Variants in NLGN1 observed in about 807,000 individuals in gnomAD.
NLGN1 encodes neuroligin 1.
Under a neutral mutation model 65.5 loss-of-function variants are expected in NLGN1, and 12 were observed. That is an observed-to-expected ratio of 0.18 (90% confidence interval 0.12 to 0.30). NLGN1 has a LOEUF of 0.30. Among genes scored for constraint, NLGN1 ranks in the 10% least tolerant of loss-of-function variants. NLGN1 has a pLI of 1.00. For missense variants in NLGN1, 750 were observed against 1,007.1 expected (o/e 0.74, Z 3.46); for synonymous variants, 350 against 359.5 (o/e 0.97, Z 0.30).
rs375111133 is a variant in NLGN1 at position 173,973,883 on chromosome 3, C to G, written c.646+166051C>G. ...CTATTTGTGTTTTTCTGGTTACACC[C>G]TAATAGGCTGAAAATATGTAATAAA... On this transcript the variant is annotated intron_variant, in intron 4 of 6. Coordinates refer to ENST00000457714, the Ensembl canonical transcript of NLGN1. Among the ~76,000 whole-genome samples, 9 of 152,008 alleles carry G rather than the reference C, an allele frequency of 5.9e-5. 1 individual carries two copies. In the South Asian group the frequency reaches 1.7e-3, roughly 28 times the overall value.
At position 173,492,037 on chromosome 3, in the gene NLGN1, A is replaced by G. The variant is rs558782124; in HGVS notation, c.-321+56959A>G. On this transcript the variant is annotated intron_variant, in intron 2 of 6. Transcript: ENST00000457714. ...GACAAGGAAGCAAGATAGTGGGTAAAGGATGGGATATGAGAGCAAGATAGA... is the reference window on the plus strand; with the variant it reads ...GACAAGGAAGCAAGATAGTGGGTAAGGGATGGGATATGAGAGCAAGATAGA... Among the ~76,000 whole-genome samples, 10 of 151,938 alleles carry G rather than the reference A, an allele frequency of 6.6e-5. No individual in the cohort carries two copies. In the South Asian group the frequency reaches 8.3e-4, roughly 13 times the overall value.
At chr3:173,859,815 G>A (rs994343369) in intron 4 of NLGN1, among the ~76,000 whole-genome samples, 3 of 151,596 alleles carry the variant, frequency 2.0e-5, no homozygotes, top group Non-Finnish European at 4.4e-5. Flanking sequence ...TTGTTCAAGG[G>A]TACACGACTA....
At chr3:173,844,477 T>A (rs935533783) in intron 4 of NLGN1, among the ~76,000 whole-genome samples, 1 of 152,156 alleles carries the variant, frequency 6.6e-6, no homozygotes, top group Non-Finnish European at 1.5e-5. Flanking sequence ...ACAAAAATAG[T>A]TGAGAATGAG....
intron 2 of NLGN1, among the ~76,000 whole-genome samples, chr3:173,542,216 C>T (rs1739005516): frequency 6.6e-6 from 1 of 151,760 alleles, no homozygotes; most frequent in African/African-American, 2.4e-5. Context: ...TTTCTAAGAG[C>T]CCTGTCTTAT....
At chr3:174,060,150 A>G (rs1011956449) in intron 4 of NLGN1, among the ~76,000 whole-genome samples, 2 of 152,072 alleles carry the variant, frequency 1.3e-5, no homozygotes, top group South Asian at 2.1e-4. Flanking sequence ...GTTATATTTC[A>G]CCATGGTATA....
intron 4 of NLGN1, among the ~76,000 whole-genome samples, chr3:174,218,570 T>A (rs148297104): frequency 3.3e-5 from 5 of 152,120 alleles, no homozygotes; most frequent in African/African-American, 1.2e-4. Context: ...ATAGTTAAGG[T>A]CCGTGCAGCA....
intron 3 of NLGN1, among the ~76,000 whole-genome samples, chr3:173,726,121 T>C (rs957045869): frequency 6.6e-6 from 1 of 151,628 alleles, no homozygotes; most frequent in Admixed American, 6.6e-5. Flanking sequence ...TGGAAGTGAG[T>C]CATTTGTTAT....
intron 1 of NLGN1, among the ~76,000 whole-genome samples, chr3:173,419,840 G>A (rs1191422972): frequency 3.3e-5 from 5 of 152,022 alleles, no homozygotes; most frequent in Non-Finnish European, 7.4e-5. Flanking sequence ...GGGCGTGGTA[G>A]TGTGTGCCTG....
intron 2 of NLGN1, among the ~76,000 whole-genome samples, chr3:173,588,150 A>G (rs1218742238): frequency 6.6e-6 from 1 of 152,232 alleles, no homozygotes; most frequent in Non-Finnish European, 1.5e-5. Flanking sequence ...TTTGCCAAGC[A>G]TTGAAAAATA....
At chr3:174,194,339 A>G (rs984614809) in intron 4 of NLGN1, among the ~76,000 whole-genome samples, 26 of 151,738 alleles carry the variant, frequency 1.7e-4, no homozygotes, top group Admixed American at 1.4e-3. Flanking sequence ...AGTTCCAGCT[A>G]CTCAGAAGGC....
chr3:174,157,416 TA>T (rs1262820592), intron 4 of NLGN1, among the ~76,000 whole-genome samples: 5 of 151,848 alleles, frequency 3.3e-5, no homozygotes, highest in Non-Finnish European at 5.9e-5. Flanking sequence ...TATAAGTCAC[TA>T]TTAAATATGA....
intron 4 of NLGN1, among the ~76,000 whole-genome samples, chr3:174,096,300 C>A (rs1219405209): frequency 1.3e-5 from 2 of 151,196 alleles, no homozygotes; most frequent in East Asian, 3.9e-4. Flanking sequence ...GGAACAGAAA[C>A]TGGATTGTCT....
intron 3 of NLGN1, among the ~76,000 whole-genome samples, chr3:173,642,003 T>G (rs1448332332): frequency 1.3e-5 from 2 of 151,164 alleles, no homozygotes; most frequent in Non-Finnish European, 1.5e-5. Flanking sequence ...ATAGATGCTT[T>G]CAGTGGACTG....
chr3:174,143,405 A>G (rs1381055013), intron 4 of NLGN1, among the ~76,000 whole-genome samples: 1 of 152,156 alleles, frequency 6.6e-6, no homozygotes, highest in Non-Finnish European at 1.5e-5. Context: ...TATGATTATT[A>G]TTTGGTCGTA....
chr3:173,420,877 G>A (rs1290537468), intron 1 of NLGN1, among the ~76,000 whole-genome samples: 1 of 152,088 alleles, frequency 6.6e-6, no homozygotes, highest in Non-Finnish European at 1.5e-5. Flanking sequence ...GAATCTTCTG[G>A]ACTTTCTATT....
chr3:173,830,017 A>T (rs58263301), intron 4 of NLGN1, among the ~76,000 whole-genome samples: 37 of 139,398 alleles, frequency 2.7e-4, no homozygotes, highest in Admixed American at 1.3e-3. Flanking sequence ...TGGGGGGGGG[A>T]GGGAGAGAAT....
At chr3:174,117,538 G>A (rs992102850) in intron 4 of NLGN1, among the ~76,000 whole-genome samples, 4 of 151,634 alleles carry the variant, frequency 2.6e-5, no homozygotes, top group African/African-American at 4.8e-5. Flanking sequence ...GGAGAAAGGC[G>A]TGAACCCGGG....
chr3:174,178,055 G>A (rs1342699462), intron 4 of NLGN1, among the ~76,000 whole-genome samples: 1 of 152,022 alleles, frequency 6.6e-6, no homozygotes, highest in Non-Finnish European at 1.5e-5. Context: ...TTCTTGATCT[G>A]TGAAGTAGGA....
At position 173,826,294 on chromosome 3, in the gene NLGN1, C is replaced by G. The variant is rs547331118; in HGVS notation, c.646+18462C>G. Among the ~76,000 whole-genome samples, 7 of 152,140 alleles carry G rather than the reference C, an allele frequency of 4.6e-5. No individual in the cohort carries two copies. The East Asian group carries it at 1.4e-3, about 29-fold the overall frequency. On this transcript the variant is annotated intron_variant, in intron 4 of 6. Coordinates refer to ENST00000457714, the Ensembl canonical transcript of NLGN1. ...TCTTGTATCTCTGCCATCTCAATAC[C>G]TGACCTCCTCATTTCCTGAGGTAGA...
Sources: gnomAD v4.1 joint callset for allele counts (sites outside exome capture counted in the v4.1 genomes callset) on GRCh38, gnomAD v4.1.1 for gene constraint, MANE v1.5 for transcripts, NCBI Gene and HGNC (gene_info 2026-07-23, HGNC 2026-07-21) for gene names.